ZFR: variants seen among roughly 807,000 people sequenced by gnomAD.
ZFR encodes zinc finger RNA binding protein, also known as zinc finger RNA-binding protein.
Under a neutral mutation model 130.7 loss-of-function variants are expected in ZFR, and 19 were observed. The ratio of observed to expected loss-of-function variants is 0.15; its 90% CI spans 0.10 to 0.21. The LOEUF (loss-of-function observed/expected upper bound fraction) is 0.21, where lower values mean the gene tolerates loss of function less well. ZFR is among the 10% of genes least tolerant of loss of function. The pLI is 1.00. For missense variants in ZFR, 872 were observed against 1,321.5 expected (o/e 0.66, Z 5.27); for synonymous variants, 466 against 456.9 (o/e 1.02, Z -0.25).
At chr5:32,397,042 G>A (rs1279460266) in intron 10 of ZFR, among the ~76,000 whole-genome samples, 177 bp downstream of exon 10, 1 of 152,138 alleles carries the variant, frequency 6.6e-6, no homozygotes, top group Non-Finnish European at 1.5e-5. Context: ...TTTAAAAATG[G>A]ATAAATAAAA....
At chr5:32,401,431 C>T (rs1004491925) in intron 8 of ZFR, among the ~76,000 whole-genome samples, 1 of 152,080 alleles carries the variant, frequency 6.6e-6, no homozygotes, top group Non-Finnish European at 1.5e-5. Flanking sequence ...AAGGGTGTGA[C>T]ACTTGAACTG....
chr5:32,413,191 T>TA lies in ZFR; in HGVS notation c.784+1777_784+1778insT, dbSNP rs1239683143. 6.6e-5 allele frequency among the ~76,000 whole-genome samples: 7 copies of TA among 106,552 alleles called. No homozygotes were observed. The Admixed American group carries it at 6.8e-4, about 10-fold the overall frequency. The allele number at this position is 106,552 out of a possible 152,430, so 69.9% of individuals were successfully genotyped here. On this transcript the variant is annotated intron_variant, in intron 5 of 19. Transcript: ENST00000265069. ...GCGACAGAGTGAGACTCTTTTAATC[T>TA]CAAAAAAAACAAAACAAAACAAAAC...
chr5:32,378,090 T>C (rs1752864301), intron 17 of ZFR, among the ~76,000 whole-genome samples: 1 of 152,344 alleles, frequency 6.6e-6, no homozygotes, highest in Non-Finnish European at 1.5e-5. Context: ...AATAGTTTTT[T>C]TGAAATTTTC....
chr5:32,379,547 GT>G (rs1396276121), intron 16 of ZFR: 2 of 270,366 alleles, frequency 7.4e-6, no homozygotes, highest in Non-Finnish European at 1.4e-5. Context: ...GAGCTAAAAA[GT>G]TTGTCTAGGG....
chr5:32,362,705 A>G (rs1040632012), intron 19 of ZFR, among the ~76,000 whole-genome samples: 9 of 152,218 alleles, frequency 5.9e-5, no homozygotes, highest in African/African-American at 1.9e-4. Flanking sequence ...TCCAAGTATT[A>G]CGTCATGAGT....
chr5:32,418,241 CAG>C (rs1329930935), intron 3 of ZFR, among the ~76,000 whole-genome samples: 56 of 132,706 alleles, frequency 4.2e-4, no homozygotes, highest in African/African-American at 1.6e-3. Context: ...GCCTGGGCGA[CAG>C]AGAGAGATTC....
Position 32,444,688 on chromosome 5 carries a change from A to C in ZFR, c.-30T>G. ...TCGGGCTGCTGCTGCTGAACTCTGA[A>C]CTCTCACCCGCTGCCTCCCTCCTCT... On this transcript the variant is annotated 5_prime_UTR_variant, in exon 1 of 20. Coordinates refer to ENST00000265069, the MANE Select transcript of ZFR (RefSeq NM_016107.5). The C allele has an allele frequency of 6.7e-7, 1 of 1,503,650 alleles. No homozygotes were observed. Among genetic ancestry groups the C allele is most frequent in the Non-Finnish European group, 8.9e-7 (1 of 1,126,322 alleles). 93.1% of individuals were successfully genotyped at this position (1,503,650 alleles called of 1,614,324 possible). A position where few individuals can be genotyped will look rare whatever the true frequency, so the allele number is the denominator to read the frequency against.
intron 8 of ZFR, among the ~76,000 whole-genome samples, chr5:32,401,896 A>C (rs1753456176): frequency 1.3e-5 from 2 of 152,226 alleles, no homozygotes; most frequent in African/African-American, 4.8e-5. Flanking sequence ...CAGCTGGAGA[A>C]GGCAATAAAA....
chr5:32,397,847 A>ATTTTTTTTTTT (rs1753352284), intron 9 of ZFR, among the ~76,000 whole-genome samples: 1 of 71,130 alleles, frequency 1.4e-5, no homozygotes, highest in African/African-American at 5.1e-5. Flanking sequence ...TTGCTCTTGT[A>ATTTTTTTTTTT]TCTTTTTTTT....
intron 7 of ZFR, 119 bp from the exon 8 acceptor site, chr5:32,403,516 A>C: frequency 7.5e-7 from 1 of 1,332,210 alleles, no homozygotes; most frequent in Non-Finnish European, 1.0e-6. Context: ...TTTTTCTGCT[A>C]TATGTTTTTG....
chr5:32,414,178 A>G (rs1753771671), intron 5 of ZFR, among the ~76,000 whole-genome samples: 1 of 152,184 alleles, frequency 6.6e-6, no homozygotes, highest in Non-Finnish European at 1.5e-5. Context: ...TTCCAGCCAC[A>G]ATGAACTGCA....
chr5:32,394,556 G>A (rs975408377), intron 11 of ZFR: 3 of 155,492 alleles, frequency 1.9e-5, no homozygotes, highest in African/African-American at 7.2e-5. Flanking sequence ...TGGGGCTGGG[G>A]GAGATACTAG....
chr5:32,410,186 C>A (rs1753671448), intron 5 of ZFR, among the ~76,000 whole-genome samples: 1 of 143,086 alleles, frequency 7.0e-6, no homozygotes, highest in Non-Finnish European at 1.5e-5. Context: ...TGCACCGAGG[C>A]AGGATGGATC....
intron 9 of ZFR, among the ~76,000 whole-genome samples, chr5:32,398,470 G>T (rs1753369297): frequency 6.6e-6 from 1 of 152,172 alleles, no homozygotes; most frequent in Admixed American, 6.5e-5. Flanking sequence ...CAAGCTTTAA[G>T]ATAGGTTCTG....
chr5:32,409,482 T>C (rs1318998335), intron 5 of ZFR, among the ~76,000 whole-genome samples: 1 of 149,908 alleles, frequency 6.7e-6, no homozygotes, highest in Non-Finnish European at 1.5e-5. Flanking sequence ...CTCGACTCAC[T>C]GCAACCTCTG....
intron 6 of ZFR, among the ~76,000 whole-genome samples, chr5:32,405,829 A>G (rs1037624911): frequency 1.3e-5 from 2 of 152,216 alleles, no homozygotes; most frequent in Non-Finnish European, 2.9e-5. Flanking sequence ...AGGGTTTTAT[A>G]TATCTAGCCA....
rs11446399 is a variant in ZFR at position 32,439,804 on chromosome 5, T to TAAA, written c.137+4422_137+4424dup. On this transcript the variant is annotated intron_variant, in intron 2 of 19. Coordinates refer to ENST00000265069, the MANE Select transcript of ZFR (RefSeq NM_016107.5). ...GGGTGAGAGAGCGAGACCATGTCTTTAAAAAAAAAAAAAAAAAAAAAAAAG... is the reference window on the plus strand; with the variant it reads ...GGGTGAGAGAGCGAGACCATGTCTTTAAAAAAAAAAAAAAAAAAAAAAAAAAAG... 4.3e-3 allele frequency among the ~76,000 whole-genome samples: 313 copies of TAAA among 72,388 alleles called. 6 individuals are homozygous for TAAA. Among genetic ancestry groups the TAAA allele is most frequent in the Middle Eastern group, 0.015 (1 of 66 alleles). The allele number at this position is 72,388 out of a possible 152,430, so 47.5% of individuals were successfully genotyped here. A position where few individuals can be genotyped will look rare whatever the true frequency, so the allele number is the denominator to read the frequency against.
intron 2 of ZFR, among the ~76,000 whole-genome samples, chr5:32,430,209 G>T (rs995934057): frequency 6.6e-6 from 1 of 151,438 alleles, no homozygotes; most frequent in African/African-American, 2.4e-5. Flanking sequence ...GATACAAAAT[G>T]TTTAAGCACA....
At chr5:32,402,902 T>C (rs578222318) in intron 8 of ZFR, among the ~76,000 whole-genome samples, 1 of 151,054 alleles carries the variant, frequency 6.6e-6, no homozygotes, top group Non-Finnish European at 1.5e-5. Context: ...CACAGATATA[T>C]CTGTATGGCT....
Sources: allele counts gnomAD v4.1 joint callset (sites outside exome capture counted in the v4.1 genomes callset), GRCh38; gene constraint gnomAD v4.1.1; transcripts MANE v1.5; gene names NCBI Gene and HGNC (gene_info 2026-07-23, HGNC 2026-07-21).